Variants in SLC15A5 observed in about 807,000 individuals in gnomAD.
The protein encoded by SLC15A5 is Peptide/histidine transporter ENSP00000340402.
SLC15A5 carries 58 observed loss-of-function variants against 56.1 expected under a neutral mutation model. The ratio of observed to expected loss-of-function variants is 1.03; its 90% CI spans 0.84 to 1.29. SLC15A5 has a LOEUF of 1.29. SLC15A5 is among the 50% of genes most tolerant of loss of function. SLC15A5 has a pLI of 0.00. For missense variants in SLC15A5, 681 were observed against 672.1 expected (o/e 1.01, Z -0.15); for synonymous variants, 264 against 250.5 (o/e 1.05, Z -0.51).
In SLC15A5 at chr12:16,237,297, G is replaced by A. The variant is rs16916720; in HGVS notation, c.1162+2384C>T. On this transcript the variant is annotated intron_variant, in intron 5 of 8. Coordinates refer to ENST00000344941, the MANE Select transcript of SLC15A5 (RefSeq NM_001170798.1). This position sits in a 1 kb window ranked among gnomAD's most constrained non-coding sequence, Gnocchi z 4.1. ...TCTAGTTTAAAAGACGCATATCATC[G>A]CACTTTTATATTCCCATAGCAAAAC... is the stretch of plus-strand genomic sequence containing the variant. Among the ~76,000 whole-genome samples the A allele has an allele frequency of 0.022, 3,326 of 152,122 alleles. 129 individuals carry two copies. Among genetic ancestry groups the A allele is most frequent in the African/African-American group, 0.076 (3,159 of 41,508 alleles).
intron 7 of SLC15A5, among the ~76,000 whole-genome samples, chr12:16,197,649 C>T (rs919367159): frequency 6.6e-6 from 1 of 152,052 alleles, no homozygotes; most frequent in Non-Finnish European, 1.5e-5. Flanking sequence ...CTTAGATTAT[C>T]ACCTCCTCCT....
chr12:16,223,059 T>C (rs1333371879), intron 6 of SLC15A5, among the ~76,000 whole-genome samples: 1 of 152,144 alleles, frequency 6.6e-6, no homozygotes, highest in Non-Finnish European at 1.5e-5. Context: ...CACATATATA[T>C]GCATATACTC....
intron 7 of SLC15A5, among the ~76,000 whole-genome samples, chr12:16,202,611 C>A (rs1480046282): frequency 6.6e-6 from 1 of 152,014 alleles, no homozygotes; most frequent in Admixed American, 6.6e-5. Flanking sequence ...GGATATATAT[C>A]CGAAGGAGTT....
rs771280113 is a variant in SLC15A5, at chr12:16,257,757, A to G, written c.698T>C (p.Met233Thr). The change falls in exon 3 of 9, where the codon ATG becomes ACG. Residue 233 changes from methionine to threonine, a missense_variant. Coordinates refer to ENST00000344941, the MANE Select transcript of SLC15A5 (RefSeq NM_001170798.1). ...TATCATATGAAGAGTTATCACAGCC[A>G]TAAGCATAGACATAAAAGGAATAAG... The part of the protein sequence containing the change: ...VLLIPFMSML[M>T]AVITLHMIYY... 6.6e-5 allele frequency: 101 copies of G among 1,530,170 alleles called. 1 individual carries two copies. The South Asian group carries it at 1.2e-3, about 18-fold the overall frequency. 94.8% of individuals were successfully genotyped at this position (1,530,170 alleles called of 1,614,324 possible).
rs929553125 is a variant in SLC15A5, at chr12:16,217,093, T to C, written c.1352-69A>G. On this transcript the variant is annotated intron_variant, in intron 6 of 8. Transcript: ENST00000344941. ...AATGCTTTCATAGAGACTGTTCAAA[T>C]TGATGTTGATCATGTATCAAAGAAA... 7.7e-6 allele frequency: 11 copies of C among 1,429,374 alleles called. No individual in the cohort carries two copies. The African/African-American group carries it at 1.3e-4, about 17-fold the overall frequency. 88.5% of individuals were successfully genotyped at this position (1,429,374 alleles called of 1,614,324 possible).
chr12:16,193,780 GGAGAGAGAGAGAGAGAGAGAGA>G (rs766458422), intron 8 of SLC15A5, among the ~76,000 whole-genome samples: 913 of 75,714 alleles, frequency 0.012, 46 homozygotes, highest in East Asian at 0.02. Flanking sequence ...TATGTCAAGG[GGAGAGAGAGAGAGAGAGAGAGA>G]GAGAGAGAGA....
intron 8 of SLC15A5, among the ~76,000 whole-genome samples, chr12:16,193,780 GGAGAGAGAGAGAGAGAGAGA>G (rs766458422): frequency 0.022 from 1,688 of 75,730 alleles, 57 homozygotes; most frequent in Middle Eastern, 0.043. Flanking sequence ...TATGTCAAGG[GGAGAGAGAGAGAGAGAGAGA>G]GAGAGAGAGA....
chr12:16,260,379 A>C (rs1864631394), intron 2 of SLC15A5, among the ~76,000 whole-genome samples: 1 of 152,106 alleles, frequency 6.6e-6, no homozygotes, highest in Non-Finnish European at 1.5e-5. Flanking sequence ...CACCTTTTGG[A>C]ATCTCCCTAC....
At chr12:16,256,464 A>C (rs1219441323) in intron 3 of SLC15A5, among the ~76,000 whole-genome samples, 1 of 152,192 alleles carries the variant, frequency 6.6e-6, no homozygotes, top group African/African-American at 2.4e-5. Flanking sequence ...TCTGTTAGAA[A>C]ATTTACGGGA....
In SLC15A5 at chr12:16,244,577, T is replaced by A. The variant is rs1864443410; in HGVS notation, c.975+3A>T. 6.5e-7 allele frequency: 1 copy of A among 1,537,266 alleles called. No homozygotes were observed. ...TGGGGTAGTACTCATCGCCTGTCCT[T>A]ACCTGCATAATGCACATTCTGTATA... On this transcript the variant is annotated splice_donor_region_variant and intron_variant, in intron 4 of 8. Coordinates refer to ENST00000344941, the MANE Select transcript of SLC15A5 (RefSeq NM_001170798.1).
Position 16,194,390 on chromosome 12 carries a change from G to A in SLC15A5, c.1547C>T (p.Ser516Leu), listed in dbSNP as rs1308889709. ...TCCCAGGACGTTCAACAATGTTAATGATGCCAGGAAGAAGAAGAAGCTTTC... is the reference window on the plus strand; with the variant it reads ...TCCCAGGACGTTCAACAATGTTAATAATGCCAGGAAGAAGAAGAAGCTTTC... The part of the protein sequence containing the change: ...NLESFFFFLA[S>L]LTLLNVLGFC... Residue 516 changes from serine (S) to leucine (L), a missense_variant, in exon 8 of 9, where the codon TCA becomes TTA. Physicochemically the swap from Ser to Leu is moderately radical, Grantham distance 145. Transcript: ENST00000344941. The A allele has an allele frequency of 1.3e-6, 2 of 1,535,422 alleles. No homozygotes were observed. Among genetic ancestry groups the A allele is most frequent in the African/African-American group, 1.4e-5 (1 of 72,986 alleles).
At chr12:16,229,767 G>C (rs1256514343) in intron 5 of SLC15A5, among the ~76,000 whole-genome samples, 1 of 151,962 alleles carries the variant, frequency 6.6e-6, no homozygotes, top group Non-Finnish European at 1.5e-5. Context: ...CAAGTCTACT[G>C]TATTGAAGAA....
chr12:16,265,155 G>A (rs949383516), intron 2 of SLC15A5, among the ~76,000 whole-genome samples: 2 of 152,142 alleles, frequency 1.3e-5, no homozygotes, highest in African/African-American at 4.8e-5. Context: ...TTGCAGATGC[G>A]GCAAGGTAGG....
Position 16,257,756 on chromosome 12 carries a change from C to G in SLC15A5, c.699G>C (p.Met233Ile). The G allele has an allele frequency of 6.5e-7, 1 of 1,529,272 alleles. No homozygotes were observed. Among genetic ancestry groups the G allele is most frequent in the Non-Finnish European group, 8.7e-7 (1 of 1,144,250 alleles). The allele number at this position is 1,529,272 out of a possible 1,614,324, so 94.7% of individuals were successfully genotyped here. Reference protein sequence around the residue: ...VLLIPFMSMLMAVITLHMIYY... With the variant: ...VLLIPFMSMLIAVITLHMIYY... ...ATATCATATGAAGAGTTATCACAGC[C>G]ATAAGCATAGACATAAAAGGAATAA... The change falls in exon 3 of 9, where the codon ATG (methionine) becomes ATC (isoleucine). Residue 233 changes from methionine to isoleucine, a missense_variant. By Grantham distance (10) the Met-to-Ile change is conservative. Coordinates refer to ENST00000344941, the MANE Select transcript of SLC15A5 (RefSeq NM_001170798.1).
At chr12:16,247,397 A>G (rs1271067539) in intron 3 of SLC15A5, among the ~76,000 whole-genome samples, 1 of 152,176 alleles carries the variant, frequency 6.6e-6, no homozygotes, top group African/African-American at 2.4e-5. Context: ...CTGAGAATCT[A>G]CTAGGAGTCA....
intron 6 of SLC15A5, 66 bp downstream of exon 6, chr12:16,224,348 T>G: frequency 6.3e-6 from 9 of 1,418,834 alleles, no homozygotes; most frequent in Non-Finnish European, 7.5e-6. Context: ...TTGTTCTGGT[T>G]GAGGTGATGT....
intron 7 of SLC15A5, among the ~76,000 whole-genome samples, chr12:16,208,884 C>G (rs902786753): frequency 6.6e-6 from 1 of 152,086 alleles, no homozygotes; most frequent in African/African-American, 2.4e-5. Context: ...ACCTGAAATT[C>G]AAATTTAACT....
intron 5 of SLC15A5, among the ~76,000 whole-genome samples, chr12:16,231,558 G>A (rs542486188): frequency 1.3e-5 from 2 of 152,328 alleles, no homozygotes; most frequent in South Asian, 4.1e-4. Context: ...AGAAGGTGGG[G>A]TAACACTCAG....
At position 16,269,884 on chromosome 12, in the gene SLC15A5, T is replaced by G. The variant is rs1864732900; in HGVS notation, c.584+2677A>C. Among the ~76,000 whole-genome samples, 1 of 152,202 alleles carries G rather than the reference T, an allele frequency of 6.6e-6. No homozygotes were observed. Among genetic ancestry groups the G allele is most frequent in the Non-Finnish European group, 1.5e-5 (1 of 68,038 alleles). On this transcript the variant is annotated intron_variant, in intron 2 of 8. Coordinates refer to ENST00000344941, the MANE Select transcript of SLC15A5 (RefSeq NM_001170798.1). The surrounding 1 kb of genome is among the most constrained non-coding windows in gnomAD (Gnocchi z 4.7). Reference sequence around the variant, plus strand: ...TTTAAAATTGTGGCCAGGAACAGACTTCATTATCCTCCTTCTTTTTGCTTC... The same window carrying G: ...TTTAAAATTGTGGCCAGGAACAGACGTCATTATCCTCCTTCTTTTTGCTTC...
Sources: allele counts gnomAD v4.1 joint callset (sites outside exome capture counted in the v4.1 genomes callset), GRCh38; gene constraint gnomAD v4.1.1; non-coding constraint Gnocchi (gnomAD v3.1); transcripts MANE v1.5; gene names NCBI Gene and HGNC (gene_info 2026-07-23, HGNC 2026-07-21).